PCDHGB2: variants seen among roughly 807,000 people sequenced by gnomAD.
PCDHGB2 encodes the protein protocadherin gamma subfamily B, 2.
A neutral mutation model predicts 59.3 loss-of-function variants in PCDHGB2; 55 were observed. The observed-to-expected ratio is 0.93, with a 90% CI of 0.75 to 1.16. The LOEUF (loss-of-function observed/expected upper bound fraction) is 1.16. PCDHGB2 is among the 50% of genes most tolerant of loss of function. The pLI is 0.00. For missense variants in PCDHGB2, 1,228 were observed against 1,198.5 expected, an observed-to-expected ratio of 1.02 and a Z score of -0.36; for synonymous variants, 516 against 512.0, an observed-to-expected ratio of 1.01 and a Z score of -0.11.
intron 1 of PCDHGB2, chr5:141,374,871 CA>C: frequency 6.2e-7 from 1 of 1,613,662 alleles, no homozygotes; most frequent in South Asian, 1.1e-5. Flanking sequence ...CCAGTGTTGG[CA>C]GTGACTGCCA....
intron 2 of PCDHGB2, among the ~76,000 whole-genome samples, chr5:141,504,926 TGGTG>T (rs1312481961): frequency 1.3e-5 from 2 of 151,946 alleles, no homozygotes; most frequent in Non-Finnish European, 2.9e-5. Context: ...GGCTCTCTCA[TGGTG>T]GGTGGGGGAA....
intron 1 of PCDHGB2, among the ~76,000 whole-genome samples, chr5:141,463,087 C>T (rs971667191): frequency 6.6e-6 from 1 of 152,120 alleles, no homozygotes; most frequent in Non-Finnish European, 1.5e-5. Context: ...CATTTTCCAG[C>T]CCTATGTGAC....
chr5:141,367,108 A>AC, intron 1 of PCDHGB2: 1 of 233,042 alleles, frequency 4.3e-6, no homozygotes, highest in Non-Finnish European at 8.4e-6. Context: ...GTCTGCCTAG[A>AC]CACCATTAGT....
At chr5:141,427,153 T>C (rs2096993361) in intron 1 of PCDHGB2, 1 of 456,886 alleles carries the variant, frequency 2.2e-6, no homozygotes, top group Non-Finnish European at 4.4e-6. Context: ...GGAAATATGT[T>C]TGTGCTAGAC....
Position 141,508,665 on chromosome 5 carries a change from C to T in PCDHGB2, c.2570-2282C>T, listed in dbSNP as rs181641281. ...CGTCAGGCCCTTCCTGTCATTCTGT[C>T]TCTGCCTCCCTTCTCCCTGCTTCTC... On this transcript the variant is annotated intron_variant, in intron 3 of 3. Coordinates refer to ENST00000522605, the MANE Select transcript of PCDHGB2 (RefSeq NM_018923.3). Among the ~76,000 whole-genome samples the T allele has an allele frequency of 3.7e-3, 564 of 152,254 alleles. 5 individuals carry two copies. Among genetic ancestry groups the T allele is most frequent in the Admixed American group, 0.011 (164 of 15,296 alleles).
intron 2 of PCDHGB2, among the ~76,000 whole-genome samples, chr5:141,503,984 C>T (rs967348519): frequency 2.0e-5 from 3 of 152,184 alleles, no homozygotes; most frequent in African/African-American, 7.2e-5. Context: ...AACCCTTCTT[C>T]TTACCTTACA....
chr5:141,457,632 G>T (rs919693977), intron 1 of PCDHGB2, among the ~76,000 whole-genome samples: 1 of 152,142 alleles, frequency 6.6e-6, no homozygotes, highest in Non-Finnish European at 1.5e-5. Context: ...CTTATACTTG[G>T]CCTGATTATT....
chr5:141,435,108 G>A lies in PCDHGB2; in HGVS notation c.2422-59699G>A, dbSNP rs1027955145. ...AACTGATCTGTTTATCTAGGGGGGA[G>A]AAATCTAATTCAATGGAAAATATAA... On this transcript the variant is annotated intron_variant, in intron 1 of 3. Transcript: ENST00000522605. Among the ~76,000 whole-genome samples, 3 of 152,144 alleles carry A rather than the reference G, an allele frequency of 2.0e-5. No homozygotes were observed. In the South Asian group the frequency reaches 6.2e-4, roughly 32 times the overall value.
chr5:141,429,390 A>ATT (rs1561841316), intron 1 of PCDHGB2, among the ~76,000 whole-genome samples: 8 of 150,216 alleles, frequency 5.3e-5, no homozygotes, highest in African/African-American at 1.7e-4. Flanking sequence ...TTTTTTTTAA[A>ATT]AAAAATTGAG....
chr5:141,364,955 G>A (rs267600453), intron 1 of PCDHGB2: 10 of 1,613,790 alleles, frequency 6.2e-6, no homozygotes, highest in South Asian at 5.5e-5. Flanking sequence ...GACTGTTCAC[G>A]ACCTCCTCCT....
At chr5:141,409,869 A>G (rs2095329006) in intron 1 of PCDHGB2, 2 of 1,612,632 alleles carry the variant, frequency 1.2e-6, no homozygotes, top group African/African-American at 1.3e-5. Context: ...GGAGACCGCA[A>G]TGACAACGCA....
At chr5:141,503,010 A>AT (rs199924715) in intron 2 of PCDHGB2, among the ~76,000 whole-genome samples, 26,593 of 146,658 alleles carry the variant, frequency 0.18, 2,532 homozygotes, top group Admixed American at 0.29. Context: ...TGCCCGGTTA[A>AT]TTTTTTTTTT....
chr5:141,376,737 A>C, intron 1 of PCDHGB2: 1 of 500,806 alleles, frequency 2.0e-6, no homozygotes, highest in Non-Finnish European at 3.3e-6. Context: ...CGGACTGCGG[A>C]CTGCAGTGGC....
intron 1 of PCDHGB2, chr5:141,389,415 G>A (rs915246049): frequency 1.9e-6 from 3 of 1,613,598 alleles, no homozygotes; most frequent in Non-Finnish European, 2.5e-6. Context: ...GGAGAGCGGG[G>A]TGGTGTTCGC....
chr5:141,414,210 T>C (rs1252033650), intron 1 of PCDHGB2: 1 of 1,612,706 alleles, frequency 6.2e-7, no homozygotes, highest in East Asian at 2.2e-5. Flanking sequence ...AAGATGTAAA[T>C]GACAACAGTC....
chr5:141,422,850 G>C (rs184432819), intron 1 of PCDHGB2: 30 of 1,614,086 alleles, frequency 1.9e-5, no homozygotes, highest in Middle Eastern at 1.6e-4. Flanking sequence ...GCGGGGACCC[G>C]CCCCTCAGCA....
At chr5:141,417,859 G>T (rs925593025) in intron 1 of PCDHGB2, 10 of 1,548,090 alleles carry the variant, frequency 6.5e-6, no homozygotes, top group African/African-American at 2.7e-5. Context: ...CCGAGCGAAC[G>T]ATGGGAGGGA....
intron 1 of PCDHGB2, among the ~76,000 whole-genome samples, chr5:141,456,919 C>T (rs2098898169): frequency 1.3e-5 from 2 of 152,124 alleles, no homozygotes; most frequent in South Asian, 4.1e-4. Context: ...GCCGAGATCG[C>T]ACCACTGCAC....
intron 1 of PCDHGB2, among the ~76,000 whole-genome samples, chr5:141,386,507 C>G (rs972515111): frequency 2.0e-5 from 1 of 50,524 alleles, no homozygotes. Context: ...AAGACTCTGT[C>G]TCTTCAAAAA....
Sources: gnomAD v4.1 joint callset for allele counts (sites outside exome capture counted in the v4.1 genomes callset) on GRCh38, gnomAD v4.1.1 for gene constraint, MANE v1.5 for transcripts, NCBI Gene and HGNC (gene_info 2026-07-23, HGNC 2026-07-21) for gene names.